MXD1: variants seen among roughly 807,000 people sequenced by gnomAD.
The protein encoded by MXD1 is MAX-binding protein.
Under a neutral mutation model 25.7 loss-of-function variants are expected in MXD1, and 9 were observed. The observed-to-expected ratio is 0.35, with a 90% CI of 0.21 to 0.61. MXD1 has a LOEUF of 0.61. Among genes scored for constraint, MXD1 ranks in the 20% least tolerant of loss-of-function variants. MXD1 has a pLI of 0.75. For missense variants in MXD1, 227 were observed against 292.4 expected (o/e 0.78, Z 1.63); for synonymous variants, 99 against 113.9 (o/e 0.87, Z 0.83).
intron 3 of MXD1, among the ~76,000 whole-genome samples, chr2:69,930,312 A>G (rs1256309686): frequency 2.0e-5 from 3 of 152,162 alleles, no homozygotes; most frequent in Admixed American, 1.3e-4. Context: ...AAGTCAATAC[A>G]TATTTGCCTC....
Position 69,938,584 on chromosome 2 carries a change from T to C in MXD1, c.*300T>C. On this transcript the variant is annotated 3_prime_UTR_variant, in exon 6 of 6. Transcript: ENST00000264444. The stretch of plus-strand genomic sequence containing the variant: ...AATGTCCACATCTCAGCAATCCCCC[T>C]CTTTGCTCTCCTCGTGTCCTCTCCC... 3.5e-6 allele frequency: 1 copy of C among 284,396 alleles called. No individual in the cohort carries two copies. The highest frequency in any genetic ancestry group is 6.7e-6 in the Non-Finnish European group (1 of 149,292). The allele number at this position is 284,396 out of a possible 1,614,324, so 17.6% of individuals were successfully genotyped here. A position where few individuals can be genotyped will look rare whatever the true frequency, so the allele number is the denominator to read the frequency against.
At chr2:69,928,346 G>A (rs1416033075) in intron 3 of MXD1, among the ~76,000 whole-genome samples, 2 of 152,076 alleles carry the variant, frequency 1.3e-5, no homozygotes, top group South Asian at 2.1e-4. Flanking sequence ...GTGAAAACTT[G>A]GAAGGAAGTT....
intron 3 of MXD1, among the ~76,000 whole-genome samples, chr2:69,923,709 A>G (rs1677116611): frequency 6.6e-6 from 1 of 152,096 alleles, no homozygotes; most frequent in African/African-American, 2.4e-5. Context: ...AGCTTCCTTT[A>G]TGCTTTAGCT....
chr2:69,938,010 G>A (rs1299202249), intron 5 of MXD1, 87 bp from the exon 6 acceptor site: 3 of 1,318,244 alleles, frequency 2.3e-6, no homozygotes, highest in African/African-American at 2.9e-5. Context: ...GCCTCCCAAA[G>A]TGCTGGGATT....
rs1044379073 is a variant in MXD1 at position 69,921,908 on chromosome 2, C to T, written c.203+143C>T. 8.4e-6 allele frequency: 6 copies of T among 716,524 alleles called. No homozygotes were observed. The South Asian group carries it at 8.8e-5, about 10-fold the overall frequency. 44.4% of individuals were successfully genotyped at this position (716,524 alleles called of 1,614,324 possible). A position where few individuals can be genotyped will look rare whatever the true frequency, so the allele number is the denominator to read the frequency against. ...TCACCCAGCGCCCTCTAAGCAGCAT[C>T]GCTCATAAATTACTTAGGTAGATGT... On this transcript the variant is annotated intron_variant, in intron 3 of 5. Transcript: ENST00000264444.
In MXD1 at chr2:69,942,843, A is replaced by AT. The variant is rs1677642183; in HGVS notation, c.*4564dup. 6.6e-6 allele frequency: 1 copy of AT among 152,016 alleles called. No individual in the cohort carries two copies. Among genetic ancestry groups the AT allele is most frequent in the South Asian group, 2.1e-4 (1 of 4,834 alleles). The allele number at this position is 152,016 out of a possible 1,614,324, so 9.4% of individuals were successfully genotyped here. A position where few individuals can be genotyped will look rare whatever the true frequency, so the allele number is the denominator to read the frequency against. On this transcript the variant is annotated 3_prime_UTR_variant, in exon 6 of 6. Transcript: ENST00000264444. ...GCTTTTTACTACAGTTAGCACATGC[A>AT]TTTTTAGAAACTACTACATGTTTTA...
chr2:69,936,966 G>T, intron 4 of MXD1: 1 of 557,212 alleles, frequency 1.8e-6, no homozygotes, highest in East Asian at 4.2e-5. Flanking sequence ...CTAAAACTGA[G>T]GGCTACCAGG....
chr2:69,920,610 C>CAA, intron 2 of MXD1, among the ~76,000 whole-genome samples: 1 of 152,162 alleles, frequency 6.6e-6, no homozygotes, highest in Non-Finnish European at 1.5e-5. Flanking sequence ...GGTATTCCTC[C>CAA]ATGATTGCTG....
chr2:69,918,601 C>G lies in MXD1; in HGVS notation c.173+2381C>G, dbSNP rs1461563917. ...TGGCACTCACGTGAAAGAGGAAGTT[C>G]AGGACTTGCCACCCAGTTGTTTTAT... is the stretch of plus-strand genomic sequence containing the variant. On this transcript the variant is annotated intron_variant, in intron 2 of 5. Coordinates refer to ENST00000264444, the MANE Select transcript of MXD1 (RefSeq NM_002357.4). 3.9e-5 allele frequency among the ~76,000 whole-genome samples: 6 copies of G among 152,302 alleles called. No individual in the cohort carries two copies. In the East Asian group the frequency reaches 1.2e-3, roughly 29 times the overall value.
At chr2:69,925,061 C>T (rs1232081075) in intron 3 of MXD1, among the ~76,000 whole-genome samples, 1 of 152,102 alleles carries the variant, frequency 6.6e-6, no homozygotes, top group Non-Finnish European at 1.5e-5. Context: ...TGTTGAGCAC[C>T]TAAGATGCCG....
intron 3 of MXD1, among the ~76,000 whole-genome samples, chr2:69,929,401 C>G (rs146606972): frequency 1.8e-3 from 276 of 152,340 alleles, no homozygotes; most frequent in African/African-American, 6.1e-3. Flanking sequence ...TCTGTTGAAT[C>G]TATTCCCCAA....
At chr2:69,925,303 A>C (rs1677148839) in intron 3 of MXD1, among the ~76,000 whole-genome samples, 1 of 151,484 alleles carries the variant, frequency 6.6e-6, no homozygotes, top group South Asian at 2.1e-4. Context: ...AATCTTGCAG[A>C]AAATTTTGAG....
intron 1 of MXD1, 76 bp from the exon 2 acceptor site, chr2:69,916,045 A>G: frequency 1.3e-6 from 1 of 789,896 alleles, no homozygotes. Context: ...AATAAAGGAA[A>G]AAGGAAATAC....
chr2:69,921,312 A>C (rs550073383), intron 2 of MXD1, among the ~76,000 whole-genome samples: 1 of 152,244 alleles, frequency 6.6e-6, no homozygotes, highest in African/African-American at 2.4e-5. Flanking sequence ...CTTTACACAA[A>C]ATTTTGGTGT....
rs1676963027 is a variant in MXD1, at chr2:69,916,371, C to T, written c.173+151C>T. ...ATGTACACATGGACTTAAGCCATTG[C>T]AGGAAGCTGTTTCTGTTTGGGTTGA... is the stretch of plus-strand genomic sequence containing the variant. On this transcript the variant is annotated intron_variant, in intron 2 of 5. Transcript: ENST00000264444. 7.9e-6 allele frequency: 4 copies of T among 503,466 alleles called. No individual in the cohort carries two copies. In the South Asian group the frequency reaches 1.3e-4, roughly 17 times the overall value. 31.2% of individuals were successfully genotyped at this position (503,466 alleles called of 1,614,324 possible).
chr2:69,919,682 C>T (rs887215231), intron 2 of MXD1, among the ~76,000 whole-genome samples: 11 of 151,924 alleles, frequency 7.2e-5, no homozygotes, highest in East Asian at 5.8e-4. Flanking sequence ...TTACTAGTCC[C>T]GGTTAAAGTT....
rs1197292458 is a variant in MXD1, at chr2:69,938,509, A to G, written c.*225A>G. The G allele has an allele frequency of 2.8e-5, 14 of 506,850 alleles. No individual in the cohort carries two copies. The Admixed American group carries it at 4.5e-4, about 16-fold the overall frequency. 31.4% of individuals were successfully genotyped at this position (506,850 alleles called of 1,614,324 possible). A position where few individuals can be genotyped will look rare whatever the true frequency, so the allele number is the denominator to read the frequency against. ...CATAAAAATTTGTCTCTGAGAGACT[A>G]TACATTCCAATCAATTTGAAGCATC... On this transcript the variant is annotated 3_prime_UTR_variant, in exon 6 of 6. Coordinates refer to ENST00000264444, the MANE Select transcript of MXD1 (RefSeq NM_002357.4).
intron 2 of MXD1, among the ~76,000 whole-genome samples, chr2:69,920,166 T>C (rs149271334): frequency 0.013 from 1,939 of 152,114 alleles, 138 homozygotes; most frequent in Admixed American, 0.1. Flanking sequence ...TTTTTGTATT[T>C]TAGTAGAGAC....
chr2:69,936,305 T>C (rs1361245313), intron 4 of MXD1, among the ~76,000 whole-genome samples: 1 of 152,104 alleles, frequency 6.6e-6, no homozygotes, highest in Non-Finnish European at 1.5e-5. Context: ...ACCATTGTGT[T>C]GTCTCAATCC....
Sources: allele counts gnomAD v4.1 joint callset (sites outside exome capture counted in the v4.1 genomes callset), GRCh38; gene constraint gnomAD v4.1.1; transcripts MANE v1.5; gene names NCBI Gene and HGNC (gene_info 2026-07-23, HGNC 2026-07-21).